Variants in PTCH2 observed in about 807,000 individuals in gnomAD.
The protein encoded by PTCH2 is patched 2.
A neutral mutation model predicts 117.9 loss-of-function variants in PTCH2; 96 were observed. The observed-to-expected ratio is 0.81, with a 90% CI of 0.69 to 0.96. PTCH2 has a LOEUF of 0.96. Ranked by LOEUF, PTCH2 falls within the 50% of genes least tolerant of loss-of-function variation. The pLI is 0.00. For synonymous variants in PTCH2, 615 were observed against 660.9 expected (o/e 0.93, Z 1.06); for missense variants, 1,379 against 1,562.5 (o/e 0.88, Z 1.98).
chr1:44,839,170 C>T lies in PTCH2; in HGVS notation c.265+2677G>A, dbSNP rs1490256370. Among the ~76,000 whole-genome samples, 4 of 152,016 alleles carry T rather than the reference C, an allele frequency of 2.6e-5. No homozygotes were observed. The East Asian group carries it at 5.8e-4, about 22-fold the overall frequency. On this transcript the variant is annotated intron_variant, in intron 2 of 21. Coordinates refer to ENST00000372192, the MANE Select transcript of PTCH2 (RefSeq NM_003738.5). ...CGGGCGGATCACAAGGTCAGGAGAT[C>T]GAGGCCAGCATGGCCAACATGGTGA...
At chr1:44,833,462 A>C (rs866201325) in intron 2 of PTCH2, among the ~76,000 whole-genome samples, 3 of 144,176 alleles carry the variant, frequency 2.1e-5, no homozygotes, top group Middle Eastern at 7.1e-3. Context: ...TTTGAGACAG[A>C]GTCTTGCTCT....
chr1:44,824,838 AATTTTTGT>A (rs762765174), intron 19 of PTCH2, among the ~76,000 whole-genome samples: 3 of 151,572 alleles, frequency 2.0e-5, no homozygotes, highest in Non-Finnish European at 4.4e-5. Flanking sequence ...ACGCCTGGCT[AATTTTTGT>A]ATTTTTATTA....
At chr1:44,837,990 G>A (rs553429091) in intron 2 of PTCH2, among the ~76,000 whole-genome samples, 15 of 151,724 alleles carry the variant, frequency 9.9e-5, no homozygotes, top group African/African-American at 3.6e-4. Context: ...GCTGAGGCAG[G>A]AGAATGGCGT....
Position 44,829,710 on chromosome 1 carries a change from G to A in PTCH2, c.987C>T (p.Tyr329=), listed in dbSNP as rs1338577427. ...TFLLMSPRQL[Y]EHFRGDYQTH... ...TCTGATAGTCACCCCGGAAATGCTC[G>A]TACAGCTGGCGGGGACTCATCAGCA... Residue 329 remains tyrosine (Y), a synonymous_variant, in exon 8 of 22, where the codon TAC becomes TAT. Transcript: ENST00000372192. The A allele has an allele frequency of 6.8e-6, 11 of 1,614,110 alleles. No individual in the cohort carries two copies. In the African/African-American group the frequency reaches 8.0e-5, roughly 12 times the overall value.
At position 44,826,764 on chromosome 1, in the gene PTCH2, C is replaced by A. The variant is rs200437527; in HGVS notation, c.2700G>T (p.Pro900=). ...GGGCAAACTCCAAGGGCTGAGCTGG[C>A]GGGACTGTGGAGGGGAGGGGAAGGG... ...YDTTGENLRI[P]PAQPLEFAQF... Residue 900 remains proline (P), a synonymous_variant, in exon 18 of 22, where the codon CCG becomes CCT. Transcript: ENST00000372192. This position sits in a 1 kb window ranked among gnomAD's most constrained non-coding sequence, Gnocchi z 5.1. The A allele has an allele frequency of 5.0e-6, 8 of 1,595,410 alleles. No individual in the cohort carries two copies. The highest frequency in any genetic ancestry group is 1.1e-5 in the South Asian group (1 of 89,040).
At chr1:44,825,033 T>A (rs1322850216) in intron 19 of PTCH2, among the ~76,000 whole-genome samples, 1 of 152,248 alleles carries the variant, frequency 6.6e-6, no homozygotes, top group Non-Finnish European at 1.5e-5. Context: ...TTTTCTCATC[T>A]TCCATTCTGT....
At chr1:44,836,744 G>A (rs571584068) in intron 2 of PTCH2, among the ~76,000 whole-genome samples, 2 of 151,868 alleles carry the variant, frequency 1.3e-5, no homozygotes, top group Non-Finnish European at 2.9e-5. Context: ...AAAAAGATCA[G>A]CCTGGGCAAC....
intron 2 of PTCH2, among the ~76,000 whole-genome samples, chr1:44,834,600 C>G (rs1217742088): frequency 3.9e-5 from 6 of 152,156 alleles, no homozygotes; most frequent in Admixed American, 2.0e-4. Flanking sequence ...GGAAGGAACC[C>G]AGAGAGATCT....
chr1:44,822,064 A>C lies in PTCH2; in HGVS notation c.*351T>G. 7.4e-7 allele frequency: 1 copy of C among 1,350,602 alleles called. No homozygotes were observed. Among genetic ancestry groups the C allele is most frequent in the East Asian group, 3.4e-5 (1 of 29,776 alleles). The allele number at this position is 1,350,602 out of a possible 1,614,324, so 83.7% of individuals were successfully genotyped here. A position where few individuals can be genotyped will look rare whatever the true frequency, so the allele number is the denominator to read the frequency against. ...GATGTGGTAGGAGGTGGGCAGGGAT[A>C]TGGAGAGCCTGCCCAGGAGTCACCA... On this transcript the variant is annotated 3_prime_UTR_variant, in exon 22 of 22. Transcript: ENST00000372192.
chr1:44,832,464 C>T, intron 2 of PTCH2, 123 bp from the exon 3 acceptor site: 1 of 997,606 alleles, frequency 1.0e-6, no homozygotes, highest in Non-Finnish European at 1.5e-6. Flanking sequence ...AGAGGAGTCC[C>T]TGCCTTATCC....
rs57053705 is a variant in PTCH2 at position 44,839,361 on chromosome 1, C to CAAAAAAAA, written c.265+2478_265+2485dup. Among the ~76,000 whole-genome samples the CAAAAAAAA allele has an allele frequency of 1.5e-3, 113 of 75,584 alleles. 2 individuals carry two copies. Among genetic ancestry groups the CAAAAAAAA allele is most frequent in the Non-Finnish European group, 2.2e-3 (84 of 38,298 alleles). 49.6% of individuals were successfully genotyped at this position (75,584 alleles called of 152,430 possible). On this transcript the variant is annotated intron_variant, in intron 2 of 21. Coordinates refer to ENST00000372192, the MANE Select transcript of PTCH2 (RefSeq NM_003738.5). Reference sequence around the variant, plus strand: ...TGGGCAACAGAGCAAGACTTACTCTCAAAAAAAAAAAAAAAAAAAAAACAG... The same window carrying CAAAAAAAA: ...TGGGCAACAGAGCAAGACTTACTCTCAAAAAAAAAAAAAAAAAAAAAAAAAAAAAACAG...
In PTCH2 at chr1:44,827,300, G is replaced by A; in HGVS notation, c.2381C>T (p.Ala794Val). ...YYRNWLQGIQ[A>V]AFDQDWASGR... The stretch of plus-strand genomic sequence containing the variant: ...AGAAGCCCAGTCCTGGTCAAAGGCA[G>A]CCTGGATTCCTGGGGGAGACCAGGA... The change falls in exon 16 of 22, where the codon GCT becomes GTT. Residue 794 changes from alanine (A) to valine (V), a missense_variant. Ala to Val is a moderately conservative substitution (Grantham distance 64). Coordinates refer to ENST00000372192, the MANE Select transcript of PTCH2 (RefSeq NM_003738.5). 1 of 1,613,936 alleles carries A rather than the reference G, an allele frequency of 6.2e-7. No homozygotes were observed. The highest frequency in any genetic ancestry group is 1.1e-5 in the South Asian group (1 of 91,088).
At chr1:44,820,377 G>A (rs1433207078), downstream of PTCH2, 6 of 586,088 alleles carry the variant, frequency 1.0e-5, no homozygotes, top group Non-Finnish European at 1.9e-5. Context: ...CAGGGGTTAA[G>A]GTCCTGTCCC....
At chr1:44,830,098 C>T (rs928690308) in intron 6 of PTCH2, 68 bp from the exon 7 acceptor site, 53 of 1,592,736 alleles carry the variant, frequency 3.3e-5, no homozygotes, top group Non-Finnish European at 4.0e-5. Flanking sequence ...CCCTGGGCTT[C>T]CACCTCCAGG....
chr1:44,827,113 G>A (rs761717820), intron 16 of PTCH2, 31 bp from the exon 17 acceptor site: 7 of 1,613,796 alleles, frequency 4.3e-6, no homozygotes, highest in African/African-American at 1.3e-5. Context: ...GAAGGCCTGG[G>A]CCCAGGAGGC....
chr1:44,820,193 G>C (rs1406620887), downstream of PTCH2: 5 of 353,576 alleles, frequency 1.4e-5, no homozygotes, highest in East Asian at 3.0e-4. Context: ...TCTTTTCGTG[G>C]TGCACCATGG....
chr1:44,840,090 G>A (rs1653876836), intron 2 of PTCH2, among the ~76,000 whole-genome samples: 1 of 149,782 alleles, frequency 6.7e-6, no homozygotes, highest in Non-Finnish European at 1.5e-5. Context: ...AAAGAAGAGA[G>A]TCATGCTGAA....
Position 44,823,278 on chromosome 1 carries a change from G to A in PTCH2, c.3222C>T (p.Leu1074=). The change falls in exon 20 of 22, where the codon CTC becomes CTT. Residue 1074 remains leucine (L), a synonymous_variant. Coordinates refer to ENST00000372192, the MANE Select transcript of PTCH2 (RefSeq NM_003738.5). This position sits in a 1 kb window ranked among gnomAD's most constrained non-coding sequence, Gnocchi z 5.1. ...DGAISTLLGL[L]MLAGSHFDFI... ...AGTCAAAGTGGGAACCAGCAAGCAT[G>A]AGCAGACCCAGCAATGTGGAGATGG... The A allele has an allele frequency of 1.9e-6, 3 of 1,614,222 alleles. No homozygotes were observed. Among genetic ancestry groups the A allele is most frequent in the Non-Finnish European group, 2.5e-6 (3 of 1,180,048 alleles).
chr1:44,820,371 GGT>G (rs1325724496), downstream of PTCH2: 7 of 573,796 alleles, frequency 1.2e-5, no homozygotes, highest in East Asian at 2.8e-4. Context: ...TCGTCCCAGG[GGT>G]TAAGGTCCTG....
Sources: allele counts gnomAD v4.1 joint callset (sites outside exome capture counted in the v4.1 genomes callset), GRCh38; gene constraint gnomAD v4.1.1; non-coding constraint Gnocchi (gnomAD v3.1); transcripts MANE v1.5; gene names NCBI Gene and HGNC (gene_info 2026-07-23, HGNC 2026-07-21).